The following SUPV3L1 variants were observed in gnomAD, a reference collection of about 807,000 sequenced individuals.
SUPV3L1 encodes Suv3 like RNA helicase.
A neutral mutation model predicts 70.0 loss-of-function variants in SUPV3L1; 35 were observed. The ratio of observed to expected loss-of-function variants is 0.50; its 90% confidence interval spans 0.38 to 0.66. The LOEUF (loss-of-function observed/expected upper bound fraction) is 0.66, where lower values mean the gene tolerates loss of function less well. SUPV3L1 is among the 30% of genes least tolerant of loss of function. The probability of loss-of-function intolerance (pLI) is 0.00; values close to 1 mark genes in which losing one functional copy is unlikely to be tolerated. For synonymous variants in SUPV3L1, 364 were observed against 341.9 expected, an observed-to-expected ratio of 1.06 and a Z score of -0.71; for missense variants, 777 against 961.5, an observed-to-expected ratio of 0.81 and a Z score of 2.54.
chr10:69,200,187 C>T (rs1842648840), intron 10 of SUPV3L1, 93 bp from the exon 11 acceptor site: 7 of 1,016,800 alleles, frequency 6.9e-6, no homozygotes, highest in Non-Finnish European at 1.0e-5. Flanking sequence ...TGCAAGAGGA[C>T]CTAAGCTAGT....
intron 13 of SUPV3L1, among the ~76,000 whole-genome samples, chr10:69,203,945 G>A (rs982619708): frequency 2.0e-5 from 3 of 151,688 alleles, no homozygotes; most frequent in Admixed American, 1.3e-4. Context: ...GGCTGGTCTC[G>A]AGCTCCTGGA....
At chr10:69,191,299 CG>C (rs111462946) in intron 5 of SUPV3L1, among the ~76,000 whole-genome samples, 5 of 144,942 alleles carry the variant, frequency 3.4e-5, no homozygotes, top group African/African-American at 1.3e-4. Flanking sequence ...GGCATGATCT[CG>C]GCTCACTGAA....
intron 1 of SUPV3L1, 84 bp from the exon 2 acceptor site, chr10:69,185,903 G>A: frequency 1.0e-6 from 1 of 976,438 alleles, no homozygotes; most frequent in South Asian, 1.3e-5. Context: ...GCTGCCTTTA[G>A]TGTTATTGCT....
chr10:69,195,722 T>C (rs1842525171), intron 7 of SUPV3L1, among the ~76,000 whole-genome samples: 2 of 152,200 alleles, frequency 1.3e-5, no homozygotes. Flanking sequence ...CTAATAACGC[T>C]GCAGTAAAAA....
At chr10:69,186,389 T>C (rs1842234291) in intron 2 of SUPV3L1, 54 bp from the exon 3 acceptor site, 1 of 1,314,098 alleles carries the variant, frequency 7.6e-7, no homozygotes, top group Non-Finnish European at 1.1e-6. Flanking sequence ...TGTGTCTGTG[T>C]GCTTTTTAAA....
In SUPV3L1 at chr10:69,205,879, G is replaced by A. The variant is rs112673170; in HGVS notation, c.1777-1914G>A. On this transcript the variant is annotated intron_variant, in intron 13 of 14. Coordinates refer to ENST00000359655, the MANE Select transcript of SUPV3L1 (RefSeq NM_003171.5). The stretch of plus-strand genomic sequence containing the variant: ...TAAAAATTAGAATATGAAATCTAGA[G>A]GCTTTTCCTTTTTTCCTGATCTTTG... 3.8e-4 allele frequency among the ~76,000 whole-genome samples: 58 copies of A among 152,282 alleles called. 3 individuals are homozygous for A. The highest frequency in any genetic ancestry group is 1.3e-3 in the African/African-American group (55 of 41,564).
At chr10:69,194,557 G>A (rs1389850555) in intron 6 of SUPV3L1, among the ~76,000 whole-genome samples, 1 of 151,714 alleles carries the variant, frequency 6.6e-6, no homozygotes, top group African/African-American at 2.4e-5. Context: ...TCACCATATT[G>A]GCCAGGATGG....
chr10:69,203,048 G>A lies in SUPV3L1; in HGVS notation c.1776+5G>A, dbSNP rs2132302976. ...GTGTGTTCTTCACTGTTACAGGTAAGCCTTTATCTTTAAGCTATTTTGAGT... is the reference window on the plus strand; with the variant it reads ...GTGTGTTCTTCACTGTTACAGGTAAACCTTTATCTTTAAGCTATTTTGAGT... On this transcript the variant is annotated splice_donor_5th_base_variant and intron_variant, in intron 13 of 14. Transcript: ENST00000359655. The A allele has an allele frequency of 6.3e-7, 1 of 1,598,284 alleles. No homozygotes were observed.
intron 4 of SUPV3L1, 34 bp downstream of exon 4, chr10:69,187,790 A>G (rs1842272714): frequency 3.6e-6 from 5 of 1,406,618 alleles, no homozygotes; most frequent in South Asian, 1.3e-5. Flanking sequence ...TGAAATTTTC[A>G]GTTTCTAATC....
chr10:69,200,634 C>G (rs561564233), intron 11 of SUPV3L1, 135 bp downstream of exon 11: 145 of 707,840 alleles, frequency 2.0e-4, no homozygotes, highest in Admixed American at 3.1e-4. Context: ...GCCATGAAAA[C>G]TGCATTAAAA....
chr10:69,192,899 G>A (rs1842434648), intron 6 of SUPV3L1: 1 of 152,220 alleles, frequency 6.6e-6, no homozygotes, highest in Non-Finnish European at 1.5e-5. Context: ...TTTTTGTGGA[G>A]ATGGGTTCTT....
At chr10:69,202,570 G>T (rs770028447) in intron 12 of SUPV3L1, 51 bp downstream of exon 12, 7 of 1,506,300 alleles carry the variant, frequency 4.6e-6, no homozygotes, top group Non-Finnish European at 6.4e-6. Context: ...GATATGTCAG[G>T]TGATTACTGG....
intron 13 of SUPV3L1, 115 bp downstream of exon 13, chr10:69,203,158 C>T (rs1450682096): frequency 1.0e-5 from 12 of 1,205,514 alleles, no homozygotes; most frequent in Non-Finnish European, 1.4e-5. Context: ...ATATGAGAGA[C>T]TTTGTAAAAA....
intron 2 of SUPV3L1, 86 bp from the exon 3 acceptor site, chr10:69,186,356 AC>A: frequency 1.2e-6 from 1 of 835,482 alleles, no homozygotes; most frequent in Non-Finnish European, 1.9e-6. Flanking sequence ...AAAAAAAAAG[AC>A]TCTTTGATGA....
At chr10:69,184,489 C>T (rs527273523) in intron 1 of SUPV3L1, among the ~76,000 whole-genome samples, 16 of 152,224 alleles carry the variant, frequency 1.1e-4, no homozygotes, top group Non-Finnish European at 1.8e-4. Flanking sequence ...GAGCTGAGAT[C>T]GCGCCATTGC....
chr10:69,198,567 T>G lies in SUPV3L1; in HGVS notation c.1204+15T>G. 2 of 1,610,008 alleles carry G rather than the reference T, an allele frequency of 1.2e-6. No individual in the cohort carries two copies. The highest frequency in any genetic ancestry group is 3.3e-4 in the Middle Eastern group (2 of 6,054). The stretch of plus-strand genomic sequence containing the variant: ...TCTCCCACCTGGTAATTATTGACTT[T>G]CCTCGTGACAAGATATGAAATCTCC... On this transcript the variant is annotated intron_variant, in intron 9 of 14. Coordinates refer to ENST00000359655, the MANE Select transcript of SUPV3L1 (RefSeq NM_003171.5).
At chr10:69,183,025 C>T (rs1209832795) in intron 1 of SUPV3L1, among the ~76,000 whole-genome samples, 4 of 152,158 alleles carry the variant, frequency 2.6e-5, no homozygotes, top group Admixed American at 2.6e-4. Context: ...CTATATATCT[C>T]GCTGCCTACC....
intron 11 of SUPV3L1, among the ~76,000 whole-genome samples, chr10:69,201,687 A>T (rs1285604260): frequency 6.6e-6 from 1 of 151,356 alleles, no homozygotes; most frequent in Non-Finnish European, 1.5e-5. Flanking sequence ...GGTGCTCACC[A>T]CCATGCTTGG....
intron 1 of SUPV3L1, 26 bp downstream of exon 1, chr10:69,180,588 G>T: frequency 6.2e-7 from 1 of 1,609,808 alleles, no homozygotes. Context: ...ACTGAGGGCG[G>T]CAGAGGGTGG....
Sources: gnomAD v4.1 joint callset for allele counts (sites outside exome capture counted in the v4.1 genomes callset) on GRCh38, gnomAD v4.1.1 for gene constraint, MANE v1.5 for transcripts, NCBI Gene and HGNC (gene_info 2026-07-23, HGNC 2026-07-21) for gene names.